Variants in IL12RB1 observed in about 807,000 individuals in gnomAD.
The protein encoded by IL12RB1 is interleukin-12 receptor subunit beta-1.
A neutral mutation model predicts 94.4 loss-of-function variants in IL12RB1; 64 were observed. The observed-to-expected ratio is 0.68, with a 90% CI of 0.55 to 0.83. The LOEUF (loss-of-function observed/expected upper bound fraction) is 0.83, where lower values mean the gene tolerates loss of function less well. IL12RB1 is among the 40% of genes least tolerant of loss of function. The pLI is 0.00. For missense variants in IL12RB1, 814 were observed against 855.6 expected, an observed-to-expected ratio of 0.95 and a Z score of 0.61; for synonymous variants, 362 against 355.5, an observed-to-expected ratio of 1.02 and a Z score of -0.21.
upstream of IL12RB1, among the ~76,000 whole-genome samples, chr19:18,090,951 A>G (rs1179666393): frequency 6.6e-6 from 1 of 152,144 alleles, no homozygotes; most frequent in African/African-American, 2.4e-5. Flanking sequence ...CATCTCCGGC[A>G]GAGGCCACAG....
intron 1 of IL12RB1, 97 bp from the exon 2 acceptor site, chr19:18,083,588 C>G (rs914031702): frequency 9.2e-7 from 1 of 1,088,090 alleles, no homozygotes; most frequent in African/African-American, 1.6e-5. Context: ...ATCATCAGCC[C>G]TCCCACCCAC....
In IL12RB1 at chr19:18,068,444, G is replaced by A. The variant is rs199755161; in HGVS notation, c.1272C>T (p.Pro424=). The A allele has an allele frequency of 1.2e-5, 19 of 1,613,072 alleles. No individual in the cohort carries two copies. Among genetic ancestry groups the A allele is most frequent in the South Asian group, 3.3e-5 (3 of 91,046 alleles). ...CCGTAGACCACAAGGTGAGCTTCTC[G>A]GGGTGCGCAGAGGCAAAGATGGTAA... ...YYITIFASAH[P]EKLTLWSTVL... The change falls in exon 11 of 17, where the codon CCC becomes CCT. Residue 424 remains proline, a synonymous_variant. Transcript: ENST00000593993.
chr19:18,084,695 ATC>A (rs537305997), intron 1 of IL12RB1, among the ~76,000 whole-genome samples: 81,830 of 149,962 alleles, frequency 0.55, 23,119 homozygotes, highest in South Asian at 0.7. Context: ...CCATCCATCC[ATC>A]CATACATACA....
In IL12RB1 at chr19:18,062,185, T is replaced by C; in HGVS notation, c.1711A>G (p.Asn571Asp). 6.2e-7 allele frequency: 1 copy of C among 1,605,052 alleles called. No individual in the cohort carries two copies. Among genetic ancestry groups the C allele is most frequent in the South Asian group, 1.1e-5 (1 of 90,860 alleles). ...LVGVLGYLGL[N>D]RAARHLCPPL... ...ACGGTAAGAGGTGTCAGTTACCTGTTCAGGCCAAGGTAGCCAAGGACGCCC... is the reference window on the plus strand; with the variant it reads ...ACGGTAAGAGGTGTCAGTTACCTGTCCAGGCCAAGGTAGCCAAGGACGCCC... Residue 571 changes from asparagine to aspartate, a missense_variant, in exon 14 of 17, where the codon AAC becomes GAC. Transcript: ENST00000593993.
rs564884307 is a variant in IL12RB1, at chr19:18,076,318, C to A, written c.559G>T (p.Gly187Ter). Reference protein sequence around the residue: ...PSSPWKLGDCGPQDDDTESCL... With the variant: ...PSSPWKLGDC ...TCACCAGTATCATCATCCTGAGGTCCGCAGTCGCCCTAGAATAAAAACATA... is the reference window on the plus strand; with the variant it reads ...TCACCAGTATCATCATCCTGAGGTCAGCAGTCGCCCTAGAATAAAAACATA... Residue 187 changes from glycine (G) to a stop codon, truncating the protein, a stop_gained, in exon 6 of 17, where the codon GGA (glycine) becomes TGA (stop). Coordinates refer to ENST00000593993, the MANE Select transcript of IL12RB1 (RefSeq NM_005535.3). LOFTEE classifies it high-confidence loss of function. The A allele has an allele frequency of 6.3e-6, 9 of 1,422,960 alleles. No homozygotes were observed. The allele number at this position is 1,422,960 out of a possible 1,614,324, so 88.1% of individuals were successfully genotyped here.
chr19:18,085,076 T>C (rs2036235903), intron 1 of IL12RB1, among the ~76,000 whole-genome samples: 1 of 152,040 alleles, frequency 6.6e-6, no homozygotes, highest in Non-Finnish European at 1.5e-5. Context: ...CCCGTGCCCT[T>C]TGGGATTGCC....
At chr19:18,085,973 T>C (rs2036302232) in intron 1 of IL12RB1, among the ~76,000 whole-genome samples, 2 of 150,990 alleles carry the variant, frequency 1.3e-5, no homozygotes, top group African/African-American at 4.9e-5. Flanking sequence ...CTGAGCACTT[T>C]GGGAGGCCAA....
intron 14 of IL12RB1, among the ~76,000 whole-genome samples, 164 bp downstream of exon 14, chr19:18,062,017 A>C (rs780308771): frequency 6.6e-6 from 1 of 152,212 alleles, no homozygotes; most frequent in African/African-American, 2.4e-5. Flanking sequence ...TCACGGAGCT[A>C]TAACTGCTGC....
intron 9 of IL12RB1, among the ~76,000 whole-genome samples, chr19:18,071,756 C>G (rs1303473887): frequency 1.3e-5 from 2 of 152,168 alleles, no homozygotes. Context: ...ACTGCAACCT[C>G]TGGCTCCTGG....
intron 1 of IL12RB1, among the ~76,000 whole-genome samples, chr19:18,096,078 A>G (rs1266815727): frequency 1.3e-5 from 2 of 151,870 alleles, no homozygotes; most frequent in Non-Finnish European, 2.9e-5. Context: ...ACCCAAAAAA[A>G]TTAGCCAGGC....
intron 7 of IL12RB1, among the ~76,000 whole-genome samples, chr19:18,075,474 TGGTCTCG>T (rs2035400016): frequency 6.6e-6 from 1 of 152,018 alleles, no homozygotes; most frequent in Non-Finnish European, 1.5e-5. Context: ...TTGGCCAGGC[TGGTCTCG>T]AACTCCTGAC....
rs142072175 is a variant in IL12RB1, at chr19:18,075,617, A to C, written c.700+132T>G. On this transcript the variant is annotated intron_variant, in intron 7 of 16. Transcript: ENST00000593993. ...TCACTATGTTGCCCGGGCTGGTCTCAAACCACTGGCCTCAAGTGATCCTCC... is the reference window on the plus strand; with the variant it reads ...TCACTATGTTGCCCGGGCTGGTCTCCAACCACTGGCCTCAAGTGATCCTCC... 2.4e-4 allele frequency: 201 copies of C among 824,208 alleles called. 1 individual carries two copies. The African/African-American group carries it at 3.0e-3, about 12-fold the overall frequency. The allele number at this position is 824,208 out of a possible 1,614,324, so 51.1% of individuals were successfully genotyped here. A position where few individuals can be genotyped will look rare whatever the true frequency, so the allele number is the denominator to read the frequency against.
intron 5 of IL12RB1, 146 bp from the exon 6 acceptor site, chr19:18,076,473 G>T: frequency 1.5e-6 from 1 of 683,030 alleles, no homozygotes; most frequent in African/African-American, 1.8e-5. Flanking sequence ...TGCAATCATG[G>T]CTTATTGAAG....
intron 8 of IL12RB1, 30 bp from the exon 9 acceptor site, chr19:18,072,379 G>A (rs1439849641): frequency 7.0e-7 from 1 of 1,420,226 alleles, no homozygotes; most frequent in East Asian, 2.3e-5. Flanking sequence ...CAGCTTGTGG[G>A]TACCTGATCA....
At chr19:18,095,234 A>C (rs1019494659) in intron 1 of IL12RB1, among the ~76,000 whole-genome samples, 1 of 152,212 alleles carries the variant, frequency 6.6e-6, no homozygotes, top group Non-Finnish European at 1.5e-5. Context: ...CAATGTTTAT[A>C]GCAGCTCTAT....
At chr19:18,096,213 G>T (rs2036918459) in intron 1 of IL12RB1, among the ~76,000 whole-genome samples, 1 of 152,074 alleles carries the variant, frequency 6.6e-6, no homozygotes, top group Admixed American at 6.6e-5. Flanking sequence ...CTGCACTCCA[G>T]CCTGGGTGAC....
chr19:18,091,049 C>T (rs1179339919), upstream of IL12RB1, among the ~76,000 whole-genome samples: 1 of 152,042 alleles, frequency 6.6e-6, no homozygotes, highest in Non-Finnish European at 1.5e-5. Context: ...GGGCTGGGGC[C>T]TCGAGCGCCA....
At chr19:18,068,274 C>T (rs1446061488) in intron 11 of IL12RB1, 115 bp downstream of exon 11, 6 of 769,624 alleles carry the variant, frequency 7.8e-6, no homozygotes, top group African/African-American at 7.1e-5. Flanking sequence ...GATCCACCCA[C>T]CTTGGCCTCC....
intron 9 of IL12RB1, chr19:18,071,236 G>A (rs1180088244): frequency 9.4e-6 from 4 of 426,398 alleles, no homozygotes; most frequent in South Asian, 6.9e-5. Flanking sequence ...GCCGGGTATG[G>A]TGGCAGATGC....
Sources: gnomAD v4.1 joint callset for allele counts (sites outside exome capture counted in the v4.1 genomes callset) on GRCh38, gnomAD v4.1.1 for gene constraint, MANE v1.5 for transcripts, NCBI Gene and HGNC (gene_info 2026-07-23, HGNC 2026-07-21) for gene names.